The following SSH2 variants were observed in gnomAD, a reference collection of about 807,000 sequenced individuals.
SSH2 encodes the protein slingshot protein phosphatase 2, also known as protein phosphatase Slingshot homolog 2.
Under a neutral mutation model 135.2 loss-of-function variants are expected in SSH2, and 37 were observed. The ratio of observed to expected loss-of-function variants is 0.27; its 90% CI spans 0.21 to 0.36. The LOEUF (loss-of-function observed/expected upper bound fraction) is 0.36. Among genes scored for constraint, SSH2 ranks in the 10% least tolerant of loss-of-function variants. The pLI is 1.00. For synonymous variants in SSH2, 628 were observed against 646.2 expected, an observed-to-expected ratio of 0.97 and a Z score of 0.43; for missense variants, 1,408 against 1,765.3, an observed-to-expected ratio of 0.80 and a Z score of 3.63.
intron 1 of SSH2, among the ~76,000 whole-genome samples, chr17:29,861,333 T>A (rs2065760668): frequency 6.6e-6 from 1 of 152,208 alleles, no homozygotes; most frequent in Admixed American, 6.5e-5. Context: ...GCCTAGGTTG[T>A]CTTCTAGGGT....
At chr17:29,716,901 C>A (rs745789276) in intron 3 of SSH2, among the ~76,000 whole-genome samples, 2 of 152,106 alleles carry the variant, frequency 1.3e-5, no homozygotes, top group African/African-American at 4.8e-5. Context: ...AAGACAAAGA[C>A]CCCTTTAGCT....
At chr17:29,779,601 GT>G (rs2041792302) in intron 3 of SSH2, among the ~76,000 whole-genome samples, 1 of 146,826 alleles carries the variant, frequency 6.8e-6, no homozygotes, top group African/African-American at 2.5e-5. Context: ...GCACTTTGGG[GT>G]CAGGATTCGA....
intron 8 of SSH2, among the ~76,000 whole-genome samples, chr17:29,675,450 G>C (rs1193432263): frequency 6.6e-6 from 1 of 152,088 alleles, no homozygotes; most frequent in Non-Finnish European, 1.5e-5. Context: ...CTGAATCTTA[G>C]TCACATCATT....
intron 3 of SSH2, among the ~76,000 whole-genome samples, chr17:29,711,857 C>T (rs1201434102): frequency 2.0e-5 from 3 of 152,170 alleles, no homozygotes; most frequent in African/African-American, 2.4e-5. Flanking sequence ...CCCTGGTCTT[C>T]CCTGAATGAC....
intron 3 of SSH2, among the ~76,000 whole-genome samples, chr17:29,770,892 A>G (rs2041569642): frequency 6.6e-6 from 1 of 152,198 alleles, no homozygotes; most frequent in African/African-American, 2.4e-5. Flanking sequence ...CTCTTTCAAT[A>G]ATCAGAAACT....
intron 12 of SSH2, among the ~76,000 whole-genome samples, chr17:29,652,251 C>G (rs933216794): frequency 2.0e-5 from 3 of 152,118 alleles, no homozygotes; most frequent in Admixed American, 1.3e-4. Flanking sequence ...AATAATAAAT[C>G]CAAGAGAAAT....
Position 29,655,625 on chromosome 17 carries a change from C to G in SSH2, c.1033-18G>C. On this transcript the variant is annotated intron_variant, in intron 11 of 15. Coordinates refer to ENST00000540801, the MANE Select transcript of SSH2 (RefSeq NM_001282129.2). The stretch of plus-strand genomic sequence containing the variant: ...TCTGAGCCCTATGGAGCCAAAAAGA[C>G]AAGGTTAAGGAGTATTAGCAAATCA... The G allele has an allele frequency of 1.2e-6, 2 of 1,612,680 alleles. No individual in the cohort carries two copies. Among genetic ancestry groups the G allele is most frequent in the Non-Finnish European group, 1.7e-6 (2 of 1,178,756 alleles).
At chr17:29,851,491 C>T (rs2065558657) in intron 1 of SSH2, among the ~76,000 whole-genome samples, 1 of 151,954 alleles carries the variant, frequency 6.6e-6, no homozygotes, top group Non-Finnish European at 1.5e-5. Context: ...ACCCTGGAGG[C>T]TGAGGCAGGA....
intron 3 of SSH2, among the ~76,000 whole-genome samples, chr17:29,721,343 T>C (rs1275789746): frequency 6.6e-6 from 1 of 152,200 alleles, no homozygotes; most frequent in African/African-American, 2.4e-5. Flanking sequence ...AATCCTACAC[T>C]TGTTCCCTGG....
intron 3 of SSH2, among the ~76,000 whole-genome samples, chr17:29,784,065 CAAAAAA>C (rs71138857): frequency 1.2e-3 from 10 of 8,230 alleles, no homozygotes; most frequent in East Asian, 2.8e-3. Flanking sequence ...GACTCCGTCT[CAAAAAA>C]AAAAAAAAAA....
intron 3 of SSH2, among the ~76,000 whole-genome samples, chr17:29,713,358 C>T (rs1014810753): frequency 2.5e-4 from 38 of 152,018 alleles, no homozygotes; most frequent in African/African-American, 8.9e-4. Flanking sequence ...AAACAAAACC[C>T]CCCCAAAGAA....
intron 4 of SSH2, among the ~76,000 whole-genome samples, chr17:29,700,545 C>T (rs1482355679): frequency 6.6e-6 from 1 of 152,276 alleles, no homozygotes; most frequent in East Asian, 1.9e-4. Context: ...TATACTCATT[C>T]CTATGTGAAC....
At chr17:29,799,961 G>T (rs2042221326) in intron 2 of SSH2, among the ~76,000 whole-genome samples, 1 of 152,146 alleles carries the variant, frequency 6.6e-6, no homozygotes, top group African/African-American at 2.4e-5. Context: ...GCAATTCAGA[G>T]GGAGCTGAAG....
intron 6 of SSH2, among the ~76,000 whole-genome samples, chr17:29,678,327 C>T (rs2037815141): frequency 6.6e-6 from 1 of 152,168 alleles, no homozygotes; most frequent in East Asian, 1.9e-4. Flanking sequence ...AAGTCCTGAT[C>T]CACCCACCTC....
chr17:29,631,729 A>G lies in SSH2; in HGVS notation c.3465T>C (p.Ser1155=), dbSNP rs1196000917. Residue 1155 remains serine (S), a synonymous_variant, in exon 16 of 16, where the codon AGT becomes AGC. Coordinates refer to ENST00000540801, the MANE Select transcript of SSH2 (RefSeq NM_001282129.2). ...VSHTTHLLSA[S]LDYLHPQTMV... ...TAGTCTGGGGATGCAGGTAATCCAA[A>G]CTGGCAGACAGTAAATGGGTTGTAT... The G allele has an allele frequency of 5.0e-6, 8 of 1,613,936 alleles. No individual in the cohort carries two copies. The African/African-American group carries it at 6.7e-5, about 13-fold the overall frequency.
At chr17:29,721,487 G>A (rs940374155) in intron 3 of SSH2, among the ~76,000 whole-genome samples, 2 of 152,178 alleles carry the variant, frequency 1.3e-5, no homozygotes, top group Non-Finnish European at 2.9e-5. Flanking sequence ...TCTCTGCAAT[G>A]ATTGGAAGGA....
At chr17:29,851,536 G>A (rs1452059301) in intron 1 of SSH2, among the ~76,000 whole-genome samples, 1 of 151,982 alleles carries the variant, frequency 6.6e-6, no homozygotes, top group Non-Finnish European at 1.5e-5. Flanking sequence ...AGGTTACAGT[G>A]AGCCAAGATC....
intron 3 of SSH2, among the ~76,000 whole-genome samples, chr17:29,778,594 C>T (rs932173543): frequency 1.3e-5 from 2 of 151,846 alleles, no homozygotes; most frequent in African/African-American, 4.8e-5. Flanking sequence ...GAGCCGAGAT[C>T]ACGCCACTGC....
intron 1 of SSH2, among the ~76,000 whole-genome samples, chr17:29,870,689 TG>T (rs2065924226): frequency 6.6e-6 from 1 of 152,344 alleles, no homozygotes; most frequent in Non-Finnish European, 1.5e-5. Context: ...TGAACTTGTT[TG>T]GAGATCTGGA....
Sources: gnomAD v4.1 joint callset for allele counts (sites outside exome capture counted in the v4.1 genomes callset) on GRCh38, gnomAD v4.1.1 for gene constraint, MANE v1.5 for transcripts, NCBI Gene and HGNC (gene_info 2026-07-23, HGNC 2026-07-21) for gene names.